The following MTMR2 variants were observed in gnomAD, a reference collection of about 807,000 sequenced individuals.
MTMR2 encodes phosphatidylinositol-3,5-bisphosphate 3-phosphatase MTMR2.
Under a neutral mutation model 86.9 loss-of-function variants are expected in MTMR2, and 55 were observed. The observed-to-expected ratio is 0.63, with a 90% confidence interval of 0.51 to 0.79. MTMR2 has a LOEUF of 0.79. Ranked by LOEUF, MTMR2 falls within the 30% of genes least tolerant of loss-of-function variation. MTMR2 has a pLI of 0.00. For missense variants in MTMR2, 659 were observed against 772.3 expected (o/e 0.85, Z 1.74); for synonymous variants, 241 against 266.8 (o/e 0.90, Z 0.94).
In MTMR2 at chr11:95,861,975, C is replaced by G; in HGVS notation, c.468+17G>C. 6.4e-7 allele frequency: 1 copy of G among 1,554,374 alleles called. No homozygotes were observed. Among genetic ancestry groups the G allele is most frequent in the Non-Finnish European group, 8.9e-7 (1 of 1,126,498 alleles). On this transcript the variant is annotated intron_variant, in intron 5 of 14. Coordinates refer to ENST00000346299, the MANE Select transcript of MTMR2 (RefSeq NM_016156.6). Reference sequence around the variant, plus strand: ...TTTTCAAACCAAAGAAAATCACATACATATTATAACATTTACCTTACACAC... The same window carrying G: ...TTTTCAAACCAAAGAAAATCACATAGATATTATAACATTTACCTTACACAC...
chr11:95,866,188 G>GA (rs1401112132), intron 2 of MTMR2, among the ~76,000 whole-genome samples: 1 of 152,148 alleles, frequency 6.6e-6, no homozygotes, highest in Non-Finnish European at 1.5e-5. Context: ...TCATCTTGTT[G>GA]AAAAAGAGTT....
intron 7 of MTMR2, among the ~76,000 whole-genome samples, chr11:95,854,797 G>T (rs1286188989): frequency 1.3e-5 from 2 of 149,954 alleles, no homozygotes; most frequent in Non-Finnish European, 1.5e-5. Context: ...TTTTACCCAT[G>T]ACTTGATATT....
rs555618890 is a variant in MTMR2 at position 95,868,273 on chromosome 11, T to TA, written c.187-2598dup. Among the ~76,000 whole-genome samples the TA allele has an allele frequency of 1.7e-3, 72 of 42,214 alleles. 1 individual carries two copies. Among genetic ancestry groups the TA allele is most frequent in the South Asian group, 3.6e-3 (2 of 548 alleles). The allele number at this position is 42,214 out of a possible 152,430, so 27.7% of individuals were successfully genotyped here. On this transcript the variant is annotated intron_variant, in intron 2 of 14. Transcript: ENST00000346299. ...AGGCAATGGGAGTGAGACCCTGTGC[T>TA]AAAAAAAAAAAAAAAAAAAAAAAAA... is the stretch of plus-strand genomic sequence containing the variant.
intron 11 of MTMR2, among the ~76,000 whole-genome samples, chr11:95,842,715 A>G (rs1431002918): frequency 6.6e-6 from 1 of 152,232 alleles, no homozygotes; most frequent in Admixed American, 6.5e-5. Context: ...CATTTGCACT[A>G]ATGATGCAGA....
intron 11 of MTMR2, 67 bp downstream of exon 11, chr11:95,844,884 AAC>A: frequency 7.3e-7 from 1 of 1,377,816 alleles, no homozygotes; most frequent in East Asian, 2.3e-5. Flanking sequence ...TATTTTAAAA[AAC>A]ACATTTTTTT....
chr11:95,844,480 A>AG (rs1277736981), intron 11 of MTMR2, among the ~76,000 whole-genome samples: 1 of 152,172 alleles, frequency 6.6e-6, no homozygotes, highest in African/African-American at 2.4e-5. Flanking sequence ...CAGCAGGGCC[A>AG]GCTTCAGAAC....
chr11:95,856,333 C>CTTTTTT (rs11454567), intron 7 of MTMR2, among the ~76,000 whole-genome samples: 2 of 145,274 alleles, frequency 1.4e-5, no homozygotes, highest in Non-Finnish European at 3.0e-5. Context: ...TTACCACTTC[C>CTTTTTT]TTTTTTTTTT....
intron 1 of MTMR2, among the ~76,000 whole-genome samples, chr11:95,906,542 C>T (rs1866283163): frequency 6.6e-6 from 1 of 152,140 alleles, no homozygotes; most frequent in Admixed American, 6.6e-5. Flanking sequence ...CTTGATCAAA[C>T]AGACTTTACA....
intron 1 of MTMR2, 83 bp downstream of exon 1, chr11:95,923,792 G>T: frequency 6.6e-7 from 1 of 1,516,418 alleles, no homozygotes; most frequent in Non-Finnish European, 8.9e-7. Context: ...CAGAATCCGC[G>T]AATTGGGGCA....
At chr11:95,887,281 G>T (rs1377207817) in intron 2 of MTMR2, among the ~76,000 whole-genome samples, 1 of 152,124 alleles carries the variant, frequency 6.6e-6, no homozygotes, top group Non-Finnish European at 1.5e-5. Flanking sequence ...GGAATAAAAA[G>T]ATTCTGACAT....
At chr11:95,851,049 A>T (rs1018592745) in intron 7 of MTMR2, among the ~76,000 whole-genome samples, 13 of 146,222 alleles carry the variant, frequency 8.9e-5, no homozygotes, top group African/African-American at 3.3e-4. Context: ...AAGACTTCAA[A>T]TATTCCTTTT....
intron 9 of MTMR2, 49 bp from the exon 10 acceptor site, chr11:95,847,948 T>C: frequency 6.6e-7 from 1 of 1,521,530 alleles, no homozygotes; most frequent in East Asian, 2.3e-5. Context: ...TGCACATCTG[T>C]AAACAAGTGA....
intron 1 of MTMR2, among the ~76,000 whole-genome samples, chr11:95,896,468 A>G (rs1027483867): frequency 3.3e-5 from 5 of 151,960 alleles, no homozygotes; most frequent in African/African-American, 1.2e-4. Flanking sequence ...GATGCAAGAC[A>G]CCATGCCTGT....
chr11:95,922,426 T>TG, intron 1 of MTMR2, among the ~76,000 whole-genome samples: 1 of 152,278 alleles, frequency 6.6e-6, no homozygotes, highest in African/African-American at 2.4e-5. Context: ...CAACTGAACA[T>TG]GTTAATCCTC....
At chr11:95,875,262 T>C (rs1331362752) in intron 2 of MTMR2, among the ~76,000 whole-genome samples, 2 of 149,660 alleles carry the variant, frequency 1.3e-5, no homozygotes, top group South Asian at 4.2e-4. Context: ...TCTTTTCACA[T>C]AGTCCCATAT....
chr11:95,909,448 G>GT (rs1866416583), intron 1 of MTMR2, among the ~76,000 whole-genome samples: 1 of 152,122 alleles, frequency 6.6e-6, no homozygotes, highest in African/African-American at 2.4e-5. Context: ...CCCTTTTAAT[G>GT]CTGCAAAGGC....
chr11:95,863,860 C>T (rs1254366313), intron 3 of MTMR2, among the ~76,000 whole-genome samples: 1 of 152,112 alleles, frequency 6.6e-6, no homozygotes, highest in African/African-American at 2.4e-5. Context: ...TTGCTTTGTT[C>T]TGTACCCTCT....
chr11:95,845,103 A>G lies in MTMR2; in HGVS notation c.1236T>C (p.Ser412=), dbSNP rs200313472. The change falls in exon 11 of 15, where the codon TCT becomes TCC. Residue 412 remains serine (S), a synonymous_variant. Coordinates refer to ENST00000346299, the MANE Select transcript of MTMR2 (RefSeq NM_016156.6). ...AACCATCACTGCAATGCACTACCAC[A>G]GACGTCTTCCCTGACTCTACCTTGT... The part of the protein sequence containing the change: ...IADKVESGKT[S]VVVHCSDGWD... 3.1e-6 allele frequency: 5 copies of G among 1,613,870 alleles called. No individual in the cohort carries two copies. Among genetic ancestry groups the G allele is most frequent in the Non-Finnish European group, 3.4e-6 (4 of 1,179,904 alleles).
chr11:95,900,949 G>A (rs1176518195), intron 1 of MTMR2, among the ~76,000 whole-genome samples: 1 of 152,084 alleles, frequency 6.6e-6, no homozygotes, highest in Non-Finnish European at 1.5e-5. Flanking sequence ...TAACCTCTGT[G>A]CATTATTTGA....
Sources: allele counts gnomAD v4.1 joint callset (sites outside exome capture counted in the v4.1 genomes callset), GRCh38; gene constraint gnomAD v4.1.1; transcripts MANE v1.5; gene names NCBI Gene and HGNC (gene_info 2026-07-23, HGNC 2026-07-21).